Variants in TSTD2 observed in about 807,000 individuals in gnomAD.
TSTD2 encodes the protein thiosulfate sulfurtransferase like domain containing 2, also known as thiosulfate sulfurtransferase/rhodanese-like domain-containing protein 2.
In TSTD2, 37 loss-of-function variants were observed where a neutral mutation model predicts 47.9. The observed-to-expected ratio is 0.77, with a 90% CI of 0.59 to 1.02. The LOEUF is 1.02. TSTD2 is among the 50% of genes least tolerant of loss of function. The pLI is 0.00. For synonymous variants in TSTD2, 201 were observed against 215.9 expected, an observed-to-expected ratio of 0.93 and a Z score of 0.61; for missense variants, 586 against 616.0, an observed-to-expected ratio of 0.95 and a Z score of 0.52.
intron 3 of TSTD2, among the ~76,000 whole-genome samples, chr9:97,620,630 A>G (rs1234969240): frequency 6.6e-6 from 1 of 152,182 alleles, no homozygotes; most frequent in Non-Finnish European, 1.5e-5. Flanking sequence ...TGGACAATGA[A>G]CTTCAGGCTG....
rs1399567666 is a variant in TSTD2, at chr9:97,627,390, A to C, written c.165+8T>G. On this transcript the variant is annotated splice_region_variant and intron_variant, in intron 2 of 9. Transcript: ENST00000341170. ...TACATGATCATGAAACATTCATAAG[A>C]ATTCTACCTTTTTCTTTGCAAACGA... The C allele has an allele frequency of 6.3e-7, 1 of 1,588,606 alleles. No homozygotes were observed. The highest frequency in any genetic ancestry group is 1.8e-5 in the Admixed American group (1 of 57,074).
Position 97,611,714 on chromosome 9 carries a change from G to A in TSTD2, c.604-15C>T, listed in dbSNP as rs200689080. On this transcript the variant is annotated splice_polypyrimidine_tract_variant and intron_variant, in intron 4 of 9. Coordinates refer to ENST00000341170, the MANE Select transcript of TSTD2 (RefSeq NM_139246.5). The stretch of plus-strand genomic sequence containing the variant: ...GCAATTCGAATCTGAGACACAAGAC[G>A]GTGAAAAAGAGAACAGATTGTTCTT... 6.0e-5 allele frequency: 95 copies of A among 1,593,476 alleles called. No individual in the cohort carries two copies. The East Asian group carries it at 6.3e-4, about 11-fold the overall frequency.
chr9:97,631,993 G>C (rs1354646913), intron 1 of TSTD2, among the ~76,000 whole-genome samples: 1 of 152,212 alleles, frequency 6.6e-6, no homozygotes, highest in Non-Finnish European at 1.5e-5. Flanking sequence ...GGGTATTCCT[G>C]AATGGGTCGT....
chr9:97,601,730 A>AGTT lies in TSTD2; in HGVS notation c.*736_*738dup, dbSNP rs1391341785. ...GGTGTGGCTGTTCAATAAACTATAC[A>AGTT]GTTGACCCTTGAACAATATGGGTTT... On this transcript the variant is annotated 3_prime_UTR_variant, in exon 10 of 10. Coordinates refer to ENST00000341170, the MANE Select transcript of TSTD2 (RefSeq NM_139246.5). The AGTT allele has an allele frequency of 7.4e-6, 2 of 271,304 alleles. No homozygotes were observed. The highest frequency in any genetic ancestry group is 4.6e-5 in the African/African-American group (2 of 43,812). 16.8% of individuals were successfully genotyped at this position (271,304 alleles called of 1,614,324 possible). A position where few individuals can be genotyped will look rare whatever the true frequency, so the allele number is the denominator to read the frequency against.
At chr9:97,623,836 G>A (rs1049436964) in intron 3 of TSTD2, among the ~76,000 whole-genome samples, 4 of 151,714 alleles carry the variant, frequency 2.6e-5, no homozygotes, top group African/African-American at 9.7e-5. Flanking sequence ...TAGCCTGGGT[G>A]ACAGAGTGAG....
At chr9:97,619,631 G>A (rs1330824085) in intron 3 of TSTD2, among the ~76,000 whole-genome samples, 1 of 151,920 alleles carries the variant, frequency 6.6e-6, no homozygotes, top group African/African-American at 2.4e-5. Context: ...ATAAGTCACT[G>A]CACCTGGCCT....
chr9:97,612,183 G>C (rs549644688), intron 4 of TSTD2, among the ~76,000 whole-genome samples: 168 of 152,320 alleles, frequency 1.1e-3, no homozygotes, highest in African/African-American at 3.8e-3. Flanking sequence ...CCCTGCAAAA[G>C]ACATGATCTT....
intron 1 of TSTD2, among the ~76,000 whole-genome samples, chr9:97,631,790 G>C (rs1281883844): frequency 1.3e-5 from 2 of 152,042 alleles, no homozygotes; most frequent in Non-Finnish European, 2.9e-5. Context: ...GTTACAACGA[G>C]CCAAGACCGT....
chr9:97,630,598 A>AC (rs1826793780), intron 1 of TSTD2, among the ~76,000 whole-genome samples: 1 of 152,166 alleles, frequency 6.6e-6, no homozygotes, highest in South Asian at 2.1e-4. Context: ...TAAATGTTGA[A>AC]CCACTCTATC....
intron 9 of TSTD2, chr9:97,603,207 A>G (rs1826301113): frequency 5.9e-6 from 1 of 169,202 alleles, no homozygotes; most frequent in Non-Finnish European, 1.4e-5. Flanking sequence ...TGCGCAGTCC[A>G]CACCCCTCTC....
intron 1 of TSTD2, among the ~76,000 whole-genome samples, chr9:97,630,290 C>T (rs1215603353): frequency 7.2e-5 from 11 of 152,166 alleles, no homozygotes; most frequent in Non-Finnish European, 1.0e-4. Flanking sequence ...TGATCTCCTC[C>T]GACTCTGCAT....
chr9:97,627,378 A>G lies in TSTD2; in HGVS notation c.165+20T>C, dbSNP rs1431758137. The G allele has an allele frequency of 1.9e-6, 3 of 1,577,742 alleles. No individual in the cohort carries two copies. On this transcript the variant is annotated intron_variant, in intron 2 of 9. Transcript: ENST00000341170. ...GTTAACCACACATACATGATCATGA[A>G]ACATTCATAAGAATTCTACCTTTTT...
intron 1 of TSTD2, among the ~76,000 whole-genome samples, chr9:97,632,198 G>C (rs1040636173): frequency 1.3e-5 from 2 of 152,212 alleles, no homozygotes; most frequent in African/African-American, 4.8e-5. Context: ...AGACCTAAGT[G>C]ACCAAGAGCC....
intron 4 of TSTD2, among the ~76,000 whole-genome samples, chr9:97,614,332 C>A (rs1157297220): frequency 2.0e-5 from 3 of 151,610 alleles, no homozygotes; most frequent in African/African-American, 7.3e-5. Flanking sequence ...TCCTTACTAA[C>A]ATTTTGGTAT....
chr9:97,605,748 C>A, intron 7 of TSTD2, 107 bp from the exon 8 acceptor site: 1 of 1,415,132 alleles, frequency 7.1e-7, no homozygotes, highest in Non-Finnish European at 9.6e-7. Context: ...AAGCCCCTGC[C>A]AGTTGCTAAT....
chr9:97,607,977 T>G (rs1826392376), intron 6 of TSTD2, among the ~76,000 whole-genome samples: 1 of 151,392 alleles, frequency 6.6e-6, no homozygotes, highest in South Asian at 2.1e-4. Flanking sequence ...AGGCCAGGAG[T>G]TGCAGATCAA....
chr9:97,620,872 T>A (rs1436482025), intron 3 of TSTD2, among the ~76,000 whole-genome samples: 7 of 152,172 alleles, frequency 4.6e-5, no homozygotes, highest in Non-Finnish European at 1.0e-4. Flanking sequence ...GTTCAAAAAA[T>A]TTGCAGTCTG....
chr9:97,609,282 C>T (rs1238291960), intron 6 of TSTD2, among the ~76,000 whole-genome samples: 1 of 152,112 alleles, frequency 6.6e-6, no homozygotes, highest in East Asian at 1.9e-4. Flanking sequence ...GTGTAGCTCA[C>T]ATTATACTTC....
At chr9:97,625,611 G>A in intron 3 of TSTD2, 70 bp downstream of exon 3, 1 of 1,435,016 alleles carries the variant, frequency 7.0e-7, no homozygotes. Flanking sequence ...TTTAATGGGT[G>A]AATTGTAGTA....
Sources: gnomAD v4.1 joint callset for allele counts (sites outside exome capture counted in the v4.1 genomes callset) on GRCh38, gnomAD v4.1.1 for gene constraint, MANE v1.5 for transcripts, NCBI Gene and HGNC (gene_info 2026-07-23, HGNC 2026-07-21) for gene names.